Variants in ERCC6 observed in about 807,000 individuals in gnomAD.
ERCC6 encodes the protein DNA excision repair protein ERCC-6.
Under a neutral mutation model 158.7 loss-of-function variants are expected in ERCC6, and 116 were observed. That is an observed-to-expected ratio of 0.73 (90% CI 0.63 to 0.85). ERCC6 has a LOEUF of 0.85. Among genes scored for constraint, ERCC6 ranks in the 40% least tolerant of loss-of-function variants. ERCC6 has a pLI of 0.00. For missense variants in ERCC6, 1,698 were observed against 1,799.4 expected, an observed-to-expected ratio of 0.94 and a Z score of 1.02; for synonymous variants, 678 against 659.3, an observed-to-expected ratio of 1.03 and a Z score of -0.43.
At chr10:49,515,167 A>G in intron 5 of ERCC6, 1 of 1,319,820 alleles carries the variant, frequency 7.6e-7, no homozygotes, top group Non-Finnish European at 9.7e-7. Flanking sequence ...AAATTCATAT[A>G]TGTTACCTAG....
At chr10:49,528,996 T>A (rs894942220) in intron 3 of ERCC6, among the ~76,000 whole-genome samples, 1 of 152,174 alleles carries the variant, frequency 6.6e-6, no homozygotes, top group Non-Finnish European at 1.5e-5. Context: ...GATAACCTAC[T>A]ATATTTATGA....
intron 1 of ERCC6, among the ~76,000 whole-genome samples, chr10:49,536,278 AAAGT>A (rs1280900102): frequency 1.3e-5 from 2 of 152,154 alleles, no homozygotes; most frequent in African/African-American, 4.8e-5. Context: ...CTACAGTGAT[AAAGT>A]AATAATGGAT....
At chr10:49,436,852 G>A in the ERCC6 span, among the ~76,000 whole-genome samples, 1 of 152,140 alleles carries the variant, frequency 6.6e-6, no homozygotes, top group Non-Finnish European at 1.5e-5. Flanking sequence ...AAATCACATA[G>A]GTAATAAGAA....
At chr10:49,471,818 G>T (rs1224317099) in intron 16 of ERCC6, among the ~76,000 whole-genome samples, 1 of 152,204 alleles carries the variant, frequency 6.6e-6, no homozygotes, top group Non-Finnish European at 1.5e-5. Context: ...ATGGCTCAAG[G>T]ATAAAGTCTG....
At chr10:49,468,409 C>G (rs935296718) in intron 18 of ERCC6, among the ~76,000 whole-genome samples, 3 of 152,210 alleles carry the variant, frequency 2.0e-5, no homozygotes, top group Non-Finnish European at 2.9e-5. Flanking sequence ...GGCAGGGCAA[C>G]TGGAGAGCTC....
intron 3 of ERCC6, among the ~76,000 whole-genome samples, chr10:49,529,774 G>A (rs1371739352): frequency 6.6e-6 from 1 of 152,146 alleles, no homozygotes; most frequent in Non-Finnish European, 1.5e-5. Context: ...TGGCAGAACT[G>A]AAATGGTTAC....
intron 5 of ERCC6, among the ~76,000 whole-genome samples, chr10:49,514,869 T>C (rs115593504): frequency 6.6e-6 from 1 of 151,604 alleles, no homozygotes; most frequent in African/African-American, 2.4e-5. Flanking sequence ...ATACTTGGTG[T>C]TTTACTTTTC....
intron 18 of ERCC6, among the ~76,000 whole-genome samples, chr10:49,466,744 A>G (rs1850682262): frequency 6.6e-6 from 1 of 152,228 alleles, no homozygotes; most frequent in Non-Finnish European, 1.5e-5. Context: ...AAAGTCATCC[A>G]TGCTGTAGCA....
chr10:49,526,479 CT>C (rs745542318), intron 4 of ERCC6, among the ~76,000 whole-genome samples: 94 of 151,870 alleles, frequency 6.2e-4, no homozygotes, highest in Non-Finnish European at 1.2e-3. Context: ...GATTTGAGTC[CT>C]TTGATTCACA....
At chr10:49,483,066 T>C (rs1374033097) in intron 9 of ERCC6, among the ~76,000 whole-genome samples, 1 of 152,208 alleles carries the variant, frequency 6.6e-6, no homozygotes, top group African/African-American at 2.4e-5. Context: ...AATTTTTTCT[T>C]ATTGTTGAAG....
intron 5 of ERCC6, chr10:49,515,849 G>C (rs1307694277): frequency 6.2e-7 from 1 of 1,614,182 alleles, no homozygotes; most frequent in Admixed American, 1.7e-5. Flanking sequence ...CACCAGATGA[G>C]GCAACAGTGA....
rs568974289 is a variant in ERCC6 at position 49,537,765 on chromosome 10, G to A, written c.-15+1197C>T. 2.0e-3 allele frequency among the ~76,000 whole-genome samples: 312 copies of A among 152,224 alleles called. 1 individual carries two copies. Among genetic ancestry groups the A allele is most frequent in the African/African-American group, 7.2e-3 (299 of 41,548 alleles). ...AATTTCGCTCCGGTTGCCCAGGCTG[G>A]AGTGCAACCTCCGCCAGGCTCCGCC... is the stretch of plus-strand genomic sequence containing the variant. On this transcript the variant is annotated intron_variant, in intron 1 of 20. Coordinates refer to ENST00000355832, the MANE Select transcript of ERCC6 (RefSeq NM_000124.4).
chr10:49,441,020 CCTCA>C, the ERCC6 span, among the ~76,000 whole-genome samples: 6 of 152,150 alleles, frequency 3.9e-5, no homozygotes, highest in Non-Finnish European at 2.9e-5. Context: ...AGGCAGTGTT[CCTCA>C]CTAATAATTT....
At chr10:49,452,097 T>C (rs761984656), downstream of ERCC6, among the ~76,000 whole-genome samples, 9 of 152,002 alleles carry the variant, frequency 5.9e-5, no homozygotes, top group Non-Finnish European at 1.3e-4. Context: ...GTTTTTCTAT[T>C]CTTTCATTAA....
At chr10:49,451,465 G>A (rs577344458), downstream of ERCC6, among the ~76,000 whole-genome samples, 26 of 152,048 alleles carry the variant, frequency 1.7e-4, no homozygotes, top group African/African-American at 5.1e-4. Flanking sequence ...TCCGTTCCTC[G>A]TTTTTCAAAC....
intron 12 of ERCC6, 33 bp from the exon 13 acceptor site, chr10:49,474,275 T>G: frequency 6.5e-7 from 1 of 1,545,862 alleles, no homozygotes; most frequent in Non-Finnish European, 8.9e-7. Flanking sequence ...TACACTCAGA[T>G]GACCCCATGT....
intron 1 of ERCC6, among the ~76,000 whole-genome samples, chr10:49,536,200 G>C (rs958771211): frequency 2.6e-5 from 4 of 152,210 alleles, no homozygotes; most frequent in Non-Finnish European, 5.9e-5. Context: ...GTAAGGAGTG[G>C]ATGAGGAAAT....
At chr10:49,473,258 G>A (rs543287265) in intron 14 of ERCC6, among the ~76,000 whole-genome samples, 1 of 152,280 alleles carries the variant, frequency 6.6e-6, no homozygotes, top group East Asian at 1.9e-4. Context: ...ACATGCTGTA[G>A]AAAACGCATT....
At chr10:49,445,582 T>C in the ERCC6 span, among the ~76,000 whole-genome samples, 12 of 152,240 alleles carry the variant, frequency 7.9e-5, no homozygotes, top group South Asian at 1.7e-3. Context: ...ACATGACAAA[T>C]TAAAAAATGT....
Sources: allele counts gnomAD v4.1 joint callset (sites outside exome capture counted in the v4.1 genomes callset), GRCh38; gene constraint gnomAD v4.1.1; transcripts MANE v1.5; gene names NCBI Gene and HGNC (gene_info 2026-07-23, HGNC 2026-07-21).